Variants in RANBP3 observed in about 807,000 individuals in gnomAD.
The protein encoded by RANBP3 is RAN binding protein 3, also known as ran-binding protein 3.
Under a neutral mutation model 77.3 loss-of-function variants are expected in RANBP3, and 14 were observed. The ratio of observed to expected loss-of-function variants is 0.18; its 90% confidence interval spans 0.12 to 0.28. RANBP3 has a LOEUF of 0.28. RANBP3 is among the 10% of genes least tolerant of loss of function. The probability of loss-of-function intolerance (pLI) is 1.00; values close to 1 mark genes in which losing one functional copy is unlikely to be tolerated. For missense variants in RANBP3, 586 were observed against 752.3 expected (o/e 0.78, Z 2.59); for synonymous variants, 315 against 312.4 (o/e 1.01, Z -0.09).
intron 9 of RANBP3, among the ~76,000 whole-genome samples, chr19:5,926,424 G>A (rs891109301): frequency 2.0e-5 from 3 of 152,078 alleles, no homozygotes; most frequent in Admixed American, 6.5e-5. Context: ...GGCAGTGGGC[G>A]CCTGTAATCC....
rs187356108 is a variant in RANBP3 at position 5,923,877 on chromosome 19, T to C, written c.1034A>G (p.Asn345Ser). Residue 345 changes from asparagine to serine, a missense_variant, in exon 12 of 17, where the codon AAC (asparagine) becomes AGC (serine). Around this residue, in one of 5 missense-constraint regions of RANBP3, gnomAD observed 232 missense variants for 271.7 expected, o/e 0.85. Transcript: ENST00000340578. The part of the protein sequence containing the change: ...PKLNEVSSDA[N>S]RENAAAESGS... The stretch of plus-strand genomic sequence containing the variant: ...TGACTCGGCAGCTGCATTTTCCCTG[T>C]TGGCATCTGAACTGACCTCGTTTAA... The C allele has an allele frequency of 1.2e-3, 1,951 of 1,614,188 alleles. 9 individuals carry two copies. Among genetic ancestry groups the C allele is most frequent in the Non-Finnish European group, 6.3e-4 (739 of 1,180,024 alleles).
Position 5,947,041 on chromosome 19 carries a change from C to T in RANBP3, c.282+4352G>A, listed in dbSNP as rs561178148. On this transcript the variant is annotated intron_variant, in intron 3 of 16. Coordinates refer to ENST00000340578, the MANE Select transcript of RANBP3 (RefSeq NM_007322.3). ...TTAAGAGCAAGCTCCAGGCCGGGCA[C>T]GGTGGCTCATGCCTGTAATCCCAGC... Among the ~76,000 whole-genome samples the T allele has an allele frequency of 9.2e-5, 14 of 152,270 alleles. No individual in the cohort carries two copies. In the East Asian group the frequency reaches 1.5e-3, roughly 17 times the overall value.
At chr19:5,945,972 G>C (rs1284094255) in intron 3 of RANBP3, among the ~76,000 whole-genome samples, 1 of 151,526 alleles carries the variant, frequency 6.6e-6, no homozygotes, top group Non-Finnish European at 1.5e-5. Flanking sequence ...TTTCCCTCCT[G>C]CCTCGGTGGC....
intron 1 of RANBP3, among the ~76,000 whole-genome samples, chr19:5,976,732 G>C (rs1294955451): frequency 6.6e-6 from 1 of 152,186 alleles, no homozygotes; most frequent in Admixed American, 6.5e-5. Context: ...TACAGAGCTA[G>C]ACTCCGTCCC....
intron 7 of RANBP3, among the ~76,000 whole-genome samples, chr19:5,932,154 C>T (rs2058000954): frequency 6.6e-6 from 1 of 152,196 alleles, no homozygotes; most frequent in Non-Finnish European, 1.5e-5. Context: ...TTCCCAGGAG[C>T]CGGCCTGCTT....
chr19:5,943,389 A>G (rs539782050), intron 3 of RANBP3, among the ~76,000 whole-genome samples: 24 of 152,280 alleles, frequency 1.6e-4, no homozygotes, highest in African/African-American at 5.5e-4. Context: ...AGGGCGATGC[A>G]TTTTCCCATA....
intron 5 of RANBP3, chr19:5,933,754 C>A (rs2058027901): frequency 5.6e-6 from 2 of 359,440 alleles, no homozygotes; most frequent in Non-Finnish European, 5.1e-6. Context: ...TCCCAGCTGT[C>A]TATGACCTGC....
At chr19:5,944,508 G>A (rs2145153035) in intron 3 of RANBP3, among the ~76,000 whole-genome samples, 1 of 152,350 alleles carries the variant, frequency 6.6e-6, no homozygotes, top group East Asian at 1.9e-4. Flanking sequence ...CCAAGCCTGG[G>A]CATCTCATGC....
intron 1 of RANBP3, among the ~76,000 whole-genome samples, chr19:5,973,208 G>A (rs1217450674): frequency 2.0e-5 from 3 of 152,188 alleles, no homozygotes; most frequent in Non-Finnish European, 4.4e-5. Flanking sequence ...AACTATTTCA[G>A]TTCTAGCTAA....
At chr19:5,931,268 A>G (rs1212918618) in intron 8 of RANBP3, 136 bp downstream of exon 8, 11 of 952,878 alleles carry the variant, frequency 1.2e-5, no homozygotes, top group Non-Finnish European at 1.6e-5. Context: ...AAATCCAGAG[A>G]GCCTTACAAT....
chr19:5,969,913 A>G (rs917458122), intron 1 of RANBP3, among the ~76,000 whole-genome samples: 2 of 152,232 alleles, frequency 1.3e-5, no homozygotes, highest in African/African-American at 4.8e-5. Flanking sequence ...AGAATAGAAA[A>G]ATAAGGTTGG....
intron 1 of RANBP3, among the ~76,000 whole-genome samples, chr19:5,974,901 G>T (rs991879463): frequency 6.6e-6 from 1 of 152,224 alleles, no homozygotes; most frequent in Non-Finnish European, 1.5e-5. Flanking sequence ...TGCTCAGCCT[G>T]ACACAGAGGT....
rs1014474913 is a variant in RANBP3 at position 5,921,118 on chromosome 19, C to T, written c.1330+83G>A. On this transcript the variant is annotated intron_variant, in intron 14 of 16. Transcript: ENST00000340578. This position sits in a 1 kb window ranked among gnomAD's most constrained non-coding sequence, Gnocchi z 5.3. ...TCACAAGGGTAGGGTCAGGATCTCC[C>T]CCGCTTCATTCCCTTTGGAATTGCA... 16 of 1,497,342 alleles carry T rather than the reference C, an allele frequency of 1.1e-5. No individual in the cohort carries two copies. Among genetic ancestry groups the T allele is most frequent in the Admixed American group, 5.6e-5 (3 of 53,646 alleles). The allele number at this position is 1,497,342 out of a possible 1,614,324, so 92.8% of individuals were successfully genotyped here.
chr19:5,967,786 C>T (rs183447052), intron 1 of RANBP3, among the ~76,000 whole-genome samples: 14 of 152,210 alleles, frequency 9.2e-5, no homozygotes, highest in Admixed American at 3.9e-4. Flanking sequence ...GTTGGGAGGC[C>T]GAGGCATGTG....
At chr19:5,946,635 G>GC (rs1336548030) in intron 3 of RANBP3, among the ~76,000 whole-genome samples, 2 of 152,136 alleles carry the variant, frequency 1.3e-5, no homozygotes, top group Non-Finnish European at 2.9e-5. Flanking sequence ...TAACCCGCTG[G>GC]CCACGTGAGG....
At chr19:5,966,398 T>C (rs530564148) in intron 1 of RANBP3, among the ~76,000 whole-genome samples, 3 of 152,324 alleles carry the variant, frequency 2.0e-5, no homozygotes, top group Admixed American at 2.0e-4. Context: ...AAAGACACAT[T>C]CCAAGGCACA....
chr19:5,921,698 A>G lies in RANBP3; in HGVS notation c.1210-377T>C, dbSNP rs570980863. 1.8e-4 allele frequency among the ~76,000 whole-genome samples: 28 copies of G among 152,348 alleles called. No homozygotes were observed. The highest frequency in any genetic ancestry group is 9.1e-4 in the Admixed American group (14 of 15,304). On this transcript the variant is annotated intron_variant, in intron 13 of 16. Coordinates refer to ENST00000340578, the MANE Select transcript of RANBP3 (RefSeq NM_007322.3). This position sits in a 1 kb window ranked among gnomAD's most constrained non-coding sequence, Gnocchi z 5.3. ...AAACTGCTTAACAAGGAATTACCACATGCCCAAGCAATTCCATTCCTCGGT... is the reference window on the plus strand; with the variant it reads ...AAACTGCTTAACAAGGAATTACCACGTGCCCAAGCAATTCCATTCCTCGGT...
At chr19:5,925,491 G>A in intron 10 of RANBP3, 143 bp downstream of exon 10, 1 of 695,692 alleles carries the variant, frequency 1.4e-6, no homozygotes, top group Non-Finnish European at 2.5e-6. Context: ...TGCCCAGAGT[G>A]GGGAATGAGA....
rs550785341 is a variant in RANBP3, at chr19:5,952,470, G to A, written c.79-874C>T. On this transcript the variant is annotated intron_variant, in intron 2 of 16. Transcript: ENST00000340578. This position sits in a 1 kb window ranked among gnomAD's most constrained non-coding sequence, Gnocchi z 4.1. ...TCCATGGGCTGAGAGCTCTGTGGCC[G>A]TAACTCCAAGACTTTTCTTGAGAAA... Among the ~76,000 whole-genome samples the A allele has an allele frequency of 1.3e-5, 2 of 152,310 alleles. No homozygotes were observed. The highest frequency in any genetic ancestry group is 1.9e-4 in the East Asian group (1 of 5,184).
Sources: allele counts gnomAD v4.1 joint callset (sites outside exome capture counted in the v4.1 genomes callset), GRCh38; gene constraint gnomAD v4.1.1; regional missense constraint gnomAD v4.1.1; non-coding constraint Gnocchi (gnomAD v3.1); transcripts MANE v1.5; gene names NCBI Gene and HGNC (gene_info 2026-07-23, HGNC 2026-07-21).